Variants in RPA1 observed in about 807,000 individuals in gnomAD.
The protein encoded by RPA1 is replication protein A1.
Under a neutral mutation model 83.0 loss-of-function variants are expected in RPA1, and 49 were observed. That is an observed-to-expected ratio of 0.59 (90% confidence interval 0.47 to 0.75). The LOEUF (loss-of-function observed/expected upper bound fraction) is 0.75, where lower values mean the gene tolerates loss of function less well. Among genes scored for constraint, RPA1 ranks in the 30% least tolerant of loss-of-function variants. RPA1 has a pLI of 0.00. For missense variants in RPA1, 693 were observed against 776.1 expected (o/e 0.89, Z 1.27); for synonymous variants, 279 against 281.8 (o/e 0.99, Z 0.10).
chr17:1,875,901 A>G, intron 7 of RPA1, 108 bp downstream of exon 7: 1 of 1,034,580 alleles, frequency 9.7e-7, no homozygotes, highest in Non-Finnish European at 1.3e-6. Context: ...ACCAAATACC[A>G]CCAAATAGAA....
intron 12 of RPA1, among the ~76,000 whole-genome samples, chr17:1,880,908 G>C (rs999242289): frequency 1.3e-5 from 2 of 152,232 alleles, no homozygotes; most frequent in Non-Finnish European, 2.9e-5. Context: ...AGAGTCGGAG[G>C]AGGCAATTAG....
intron 1 of RPA1, among the ~76,000 whole-genome samples, chr17:1,832,473 G>T (rs1050727644): frequency 1.3e-5 from 2 of 151,970 alleles, no homozygotes; most frequent in African/African-American, 4.8e-5. Context: ...TGCAACCTCC[G>T]CCTCCTGGGT....
chr17:1,878,696 C>G (rs4638622), intron 8 of RPA1, among the ~76,000 whole-genome samples: 7 of 152,060 alleles, frequency 4.6e-5, no homozygotes, highest in Non-Finnish European at 1.0e-4. Context: ...AAATTAAACT[C>G]GTCATTGCCG....
rs761288979 is a variant in RPA1, at chr17:1,880,644, T to C, written c.1194T>C (p.Thr398=). The C allele has an allele frequency of 1.1e-5, 17 of 1,613,956 alleles. No individual in the cohort carries two copies. Among genetic ancestry groups the C allele is most frequent in the Non-Finnish European group, 1.4e-5 (17 of 1,180,038 alleles). ...GRSLSVLSSS[T]IIANPDIPEA... is the part of the protein sequence containing the mutation. ...GCCTCTCCGTGCTGTCTTCAAGCAC[T>C]ATCATTGCGAATCCTGACATCCCAG... is the stretch of plus-strand genomic sequence containing the variant. Residue 398 remains threonine, a synonymous_variant, in exon 12 of 17, where the codon ACT becomes ACC. Coordinates refer to ENST00000254719, the MANE Select transcript of RPA1 (RefSeq NM_002945.5).
At position 1,898,307 on chromosome 17, in the gene RPA1, T is replaced by G. The variant is rs917479775; in HGVS notation, c.*1132T>G. 9 of 152,204 alleles carry G rather than the reference T, an allele frequency of 5.9e-5. No homozygotes were observed. Among genetic ancestry groups the G allele is most frequent in the African/African-American group, 9.7e-5 (4 of 41,446 alleles). The allele number at this position is 152,204 out of a possible 1,614,324, so 9.4% of individuals were successfully genotyped here. On this transcript the variant is annotated 3_prime_UTR_variant, in exon 17 of 17. Coordinates refer to ENST00000254719, the MANE Select transcript of RPA1 (RefSeq NM_002945.5). ...ATGCTGATGATCTGGCACTTGGGATTTTATTGATGTTTACGCAGCAGTCTA... is the reference window on the plus strand; with the variant it reads ...ATGCTGATGATCTGGCACTTGGGATGTTATTGATGTTTACGCAGCAGTCTA...
chr17:1,863,119 G>A (rs939021521), intron 5 of RPA1, among the ~76,000 whole-genome samples: 1 of 152,058 alleles, frequency 6.6e-6, no homozygotes, highest in African/African-American at 2.4e-5. Context: ...AACCTCCCAG[G>A]CTCAAGTGAT....
At chr17:1,869,422 T>C (rs1913298191) in intron 5 of RPA1, among the ~76,000 whole-genome samples, 1 of 151,842 alleles carries the variant, frequency 6.6e-6, no homozygotes, top group South Asian at 2.1e-4. Flanking sequence ...CCTGTAATCC[T>C]AGCTACTCGG....
intron 13 of RPA1, 124 bp from the exon 14 acceptor site, chr17:1,888,551 G>C: frequency 3.5e-6 from 3 of 852,896 alleles, no homozygotes; most frequent in Non-Finnish European, 5.4e-6. Flanking sequence ...CTGTGATCAT[G>C]TGTAATCTTG....
chr17:1,896,352 A>T (rs1052378023), intron 16 of RPA1, among the ~76,000 whole-genome samples: 12 of 152,222 alleles, frequency 7.9e-5, no homozygotes, highest in Admixed American at 1.3e-4. Context: ...CCGGAAAGGC[A>T]CCATTCAGGC....
chr17:1,880,781 A>G, intron 12 of RPA1, 90 bp downstream of exon 12: 1 of 1,541,522 alleles, frequency 6.5e-7, no homozygotes, highest in Non-Finnish European at 8.8e-7. Context: ...TCTGCCAAGC[A>G]GAAGCCTTCG....
At chr17:1,844,105 C>G (rs941510222) in intron 3 of RPA1, 107 bp downstream of exon 3, 20 of 852,154 alleles carry the variant, frequency 2.3e-5, no homozygotes, top group Non-Finnish European at 3.8e-5. Context: ...TCCGTACTTG[C>G]TTGGCTACGT....
At chr17:1,842,670 C>T (rs1287527330) in intron 1 of RPA1, 133 bp from the exon 2 acceptor site, 1 of 701,052 alleles carries the variant, frequency 1.4e-6, no homozygotes, top group Non-Finnish European at 2.5e-6. Context: ...AAACTAGATG[C>T]TTCAGCTGAC....
rs71375562 is a variant in RPA1 at position 1,863,184 on chromosome 17, A to ATTTATTTTATTTTATTTTAT, written c.362-9226_362-9207dup. ...GAGCGTGAACCACCACGCCCAACTA[A>ATTTATTTTATTTTATTTTAT]TTTATTTTATTTTATTTTATTTTAT... is the stretch of plus-strand genomic sequence containing the variant. On this transcript the variant is annotated intron_variant, in intron 5 of 16. Transcript: ENST00000254719. Among the ~76,000 whole-genome samples, 385 of 138,874 alleles carry ATTTATTTTATTTTATTTTAT rather than the reference A, an allele frequency of 2.8e-3. 5 individuals are homozygous for ATTTATTTTATTTTATTTTAT. Among genetic ancestry groups the ATTTATTTTATTTTATTTTAT allele is most frequent in the Middle Eastern group, 7.0e-3 (2 of 284 alleles). 91.1% of individuals were successfully genotyped at this position (138,874 alleles called of 152,430 possible).
intron 1 of RPA1, among the ~76,000 whole-genome samples, chr17:1,840,957 C>T (rs968836690): frequency 3.3e-5 from 5 of 152,024 alleles, no homozygotes; most frequent in East Asian, 1.9e-4. Flanking sequence ...ACCCCAGCTA[C>T]GCGGGAGGCT....
intron 6 of RPA1, among the ~76,000 whole-genome samples, chr17:1,873,992 C>CAAAAAAA (rs71150832): frequency 1.1e-4 from 5 of 45,420 alleles, no homozygotes; most frequent in African/African-American, 4.8e-4. Context: ...GACTCTGTCT[C>CAAAAAAA]AAAAAAAAAA....
Position 1,891,923 on chromosome 17 carries a change from G to T in RPA1, c.1642G>T (p.Gly548Trp). Residue 548 changes from glycine to tryptophan, a missense_variant, in exon 15 of 17, where the codon GGG (glycine) becomes TGG (tryptophan). Gly to Trp is a radical substitution (Grantham distance 184, BLOSUM62 -2). Coordinates refer to ENST00000254719, the MANE Select transcript of RPA1 (RefSeq NM_002945.5). ...CCTTGGACAAAATGCTGCTTATCTT[G>T]GGGAATTAAAAGACAAGGTCAGCCA... Reference protein sequence around the residue: ...AILGQNAAYLGELKDKNEQAF... With the variant: ...AILGQNAAYLWELKDKNEQAF... The T allele has an allele frequency of 6.2e-7, 1 of 1,604,284 alleles. No homozygotes were observed. The highest frequency in any genetic ancestry group is 2.2e-5 in the East Asian group (1 of 44,714).
At chr17:1,891,094 C>G (rs995833398) in intron 14 of RPA1, among the ~76,000 whole-genome samples, 2 of 152,272 alleles carry the variant, frequency 1.3e-5, no homozygotes, top group African/African-American at 2.4e-5. Flanking sequence ...GTAAAATCGT[C>G]AAAATGATGC....
chr17:1,870,292 A>G (rs1913331368), intron 5 of RPA1, among the ~76,000 whole-genome samples: 1 of 152,208 alleles, frequency 6.6e-6, no homozygotes, highest in Non-Finnish European at 1.5e-5. Context: ...ATTGTTAAAT[A>G]TTCTGTGCTT....
intron 5 of RPA1, among the ~76,000 whole-genome samples, chr17:1,860,340 G>A (rs768437810): frequency 2.0e-5 from 3 of 151,940 alleles, no homozygotes; most frequent in African/African-American, 4.8e-5. Context: ...TTGTAGGGGC[G>A]GGGTCTCACT....
Sources: gnomAD v4.1 joint callset for allele counts (sites outside exome capture counted in the v4.1 genomes callset) on GRCh38, gnomAD v4.1.1 for gene constraint, MANE v1.5 for transcripts, NCBI Gene and HGNC (gene_info 2026-07-23, HGNC 2026-07-21) for gene names.